CDH18: variants seen among roughly 807,000 people sequenced by gnomAD.
CDH18 encodes cadherin-18.
CDH18 carries 31 observed loss-of-function variants against 67.9 expected under a neutral mutation model. The ratio of observed to expected loss-of-function variants is 0.46; its 90% CI spans 0.34 to 0.62. The LOEUF is 0.62. Among genes scored for constraint, CDH18 ranks in the 20% least tolerant of loss-of-function variants. The probability of loss-of-function intolerance (pLI) is 0.01; values close to 1 mark genes in which losing one functional copy is unlikely to be tolerated. For synonymous variants in CDH18, 362 were observed against 347.2 expected, an observed-to-expected ratio of 1.04 and a Z score of -0.48; for missense variants, 890 against 975.5, an observed-to-expected ratio of 0.91 and a Z score of 1.17.
intron 1 of CDH18, among the ~76,000 whole-genome samples, chr5:20,323,413 A>G (rs1467066498): frequency 6.6e-6 from 1 of 152,152 alleles, no homozygotes; most frequent in Non-Finnish European, 1.5e-5. Flanking sequence ...CAGAGATTAT[A>G]TTATACATTT....
chr5:19,632,947 C>T (rs1365369795), intron 5 of CDH18, among the ~76,000 whole-genome samples: 1 of 152,006 alleles, frequency 6.6e-6, no homozygotes, highest in Non-Finnish European at 1.5e-5. Flanking sequence ...CTGCAAAGAT[C>T]GTTTTCAGAC....
At chr5:19,721,781 G>C (rs1295757746) in intron 4 of CDH18, among the ~76,000 whole-genome samples, 2 of 152,036 alleles carry the variant, frequency 1.3e-5, no homozygotes, top group Non-Finnish European at 2.9e-5. Flanking sequence ...GATTTGGTTG[G>C]CTTGCACTCA....
At chr5:20,555,647 GAT>G (rs1021390563) in intron 1 of CDH18, among the ~76,000 whole-genome samples, 5 of 151,480 alleles carry the variant, frequency 3.3e-5, no homozygotes, top group African/African-American at 1.2e-4. Flanking sequence ...GAATCTTAAA[GAT>G]ATAATGGAAT....
Position 19,515,518 on chromosome 5 carries a change from T to G in CDH18, c.1512+5139A>C, listed in dbSNP as rs140124140. ...TCTATTTGTTTGTATCCTCTTTGTT[T>G]CATTAAGCAGTGGTTGGTTTGCAGT... On this transcript the variant is annotated intron_variant, in intron 10 of 12. Transcript: ENST00000382275. 9.6e-3 allele frequency among the ~76,000 whole-genome samples: 1,469 copies of G among 152,318 alleles called. 14 individuals are homozygous for G. Among genetic ancestry groups the G allele is most frequent in the South Asian group, 0.031 (150 of 4,828 alleles).
chr5:19,720,606 T>C (rs978872016), intron 5 of CDH18, among the ~76,000 whole-genome samples: 1 of 152,184 alleles, frequency 6.6e-6, no homozygotes, highest in African/African-American at 2.4e-5. Context: ...TAATACATTA[T>C]TAAGCAGCCT....
chr5:19,867,268 G>A (rs1785656863), intron 2 of CDH18, among the ~76,000 whole-genome samples: 1 of 151,956 alleles, frequency 6.6e-6, no homozygotes, highest in Admixed American at 6.6e-5. Context: ...CATTATGTGG[G>A]ACCCTTTAGG....
intron 2 of CDH18, among the ~76,000 whole-genome samples, chr5:20,235,204 T>C (rs2126520486): frequency 6.6e-6 from 1 of 152,102 alleles, no homozygotes; most frequent in African/African-American, 2.4e-5. Context: ...AATGACCTTC[T>C]CAATATTGGC....
At chr5:20,252,980 G>C (rs572526464) in intron 2 of CDH18, among the ~76,000 whole-genome samples, 1 of 151,058 alleles carries the variant, frequency 6.6e-6, no homozygotes, top group South Asian at 2.1e-4. Flanking sequence ...TAATTCATTT[G>C]AGAAAACAAT....
chr5:19,869,512 TATCAAGAAAA>T (rs1785980786), intron 2 of CDH18, among the ~76,000 whole-genome samples: 1 of 152,114 alleles, frequency 6.6e-6, no homozygotes. Flanking sequence ...TTATTTTCTC[TATCAAGAAAA>T]TAAAAATCTT....
intron 2 of CDH18, among the ~76,000 whole-genome samples, chr5:20,239,155 T>G (rs2126537286): frequency 6.6e-6 from 1 of 152,222 alleles, no homozygotes; most frequent in African/African-American, 2.4e-5. Context: ...ATAATTCTAT[T>G]TATAAAATGC....
chr5:20,184,637 C>T (rs2126696115), intron 2 of CDH18, among the ~76,000 whole-genome samples: 1 of 152,198 alleles, frequency 6.6e-6, no homozygotes, highest in South Asian at 2.1e-4. Context: ...GTTAAATATA[C>T]AGCAAGCACT....
intron 2 of CDH18, among the ~76,000 whole-genome samples, chr5:20,188,499 C>T (rs1456858298): frequency 6.6e-6 from 1 of 151,886 alleles, no homozygotes; most frequent in African/African-American, 2.4e-5. Context: ...TCATCATTAT[C>T]TTCATCATTA....
intron 3 of CDH18, among the ~76,000 whole-genome samples, chr5:19,754,734 T>C (rs1368766942): frequency 1.3e-5 from 2 of 152,140 alleles, no homozygotes; most frequent in East Asian, 3.9e-4. Flanking sequence ...CACATGGAAC[T>C]TTCTCCAAGA....
At chr5:20,552,494 C>A (rs1197663064) in intron 1 of CDH18, among the ~76,000 whole-genome samples, 1 of 151,468 alleles carries the variant, frequency 6.6e-6, no homozygotes, top group East Asian at 1.9e-4. Flanking sequence ...CAAACAAAAC[C>A]AAAAACAAAC....
intron 2 of CDH18, chr5:19,886,296 T>C (rs549489961): frequency 6.6e-6 from 1 of 152,272 alleles, no homozygotes; most frequent in Non-Finnish European, 1.5e-5. Flanking sequence ...CAGTACCTGA[T>C]TTAGCTTTCG....
In CDH18 at chr5:19,715,001, A is replaced by G. The variant is rs796208572; in HGVS notation, c.643+6346T>C. ...AGATATTGTAAACCACAATTTAAAT[A>G]TTTTATTGTCTTAGCTTTTAATAGA... is the stretch of plus-strand genomic sequence containing the variant. On this transcript the variant is annotated intron_variant, in intron 5 of 12. Coordinates refer to ENST00000382275, the MANE Select transcript of CDH18 (RefSeq NM_004934.5). Among the ~76,000 whole-genome samples, 12 of 152,198 alleles carry G rather than the reference A, an allele frequency of 7.9e-5. 1 individual carries two copies. The highest frequency in any genetic ancestry group is 2.6e-4 in the African/African-American group (11 of 41,568).
At chr5:19,810,173 T>C (rs1459109816) in intron 3 of CDH18, among the ~76,000 whole-genome samples, 1 of 151,436 alleles carries the variant, frequency 6.6e-6, no homozygotes, top group African/African-American at 2.4e-5. Flanking sequence ...CTACTAAAAA[T>C]ACAAAAATTA....
rs142107876 is a variant in CDH18 at position 20,087,710 on chromosome 5, C to CT, written c.-517-95697dup. 0.017 allele frequency among the ~76,000 whole-genome samples: 2,554 copies of CT among 152,230 alleles called. 210 individuals carry two copies. The East Asian group carries it at 0.28, about 17-fold the overall frequency. On this transcript the variant is annotated intron_variant, in intron 2 of 14. Transcript: ENST00000507958. ...GCATGTACGTTTTTTAAATATGATG[C>CT]TATTTTGCACTTAATACATTACAGT... is the stretch of plus-strand genomic sequence containing the variant.
intron 1 of CDH18, among the ~76,000 whole-genome samples, chr5:20,443,847 C>A (rs2150195392): frequency 1.3e-5 from 2 of 151,872 alleles, no homozygotes; most frequent in African/African-American, 4.9e-5. Flanking sequence ...TCTCAATATA[C>A]CTACATGAAC....
Sources: gnomAD v4.1 joint callset for allele counts (sites outside exome capture counted in the v4.1 genomes callset) on GRCh38, gnomAD v4.1.1 for gene constraint, MANE v1.5 for transcripts, NCBI Gene and HGNC (gene_info 2026-07-23, HGNC 2026-07-21) for gene names.